Variants in DEAF1 observed in about 807,000 individuals in gnomAD.
DEAF1 encodes the protein DEAF1 transcription factor, also known as deformed epidermal autoregulatory factor 1 homolog.
A neutral mutation model predicts 58.9 loss-of-function variants in DEAF1; 53 were observed. That is an observed-to-expected ratio of 0.90 (90% CI 0.72 to 1.13). DEAF1 has a LOEUF of 1.13. DEAF1 is among the 50% of genes most tolerant of loss of function. The pLI, the probability that DEAF1 is intolerant of heterozygous loss-of-function variation, is 0.00. For synonymous variants in DEAF1, 385 were observed against 340.4 expected (o/e 1.13, Z -1.44); for missense variants, 685 against 791.4 (o/e 0.87, Z 1.61).
chr11:673,022 G>A (rs928429253), intron 10 of DEAF1, among the ~76,000 whole-genome samples: 15 of 151,946 alleles, frequency 9.9e-5, no homozygotes, highest in African/African-American at 3.6e-4. Context: ...GGCAGCAGGC[G>A]CCTGTAGTCC....
chr11:655,518 C>A (rs888355009), intron 10 of DEAF1, among the ~76,000 whole-genome samples: 5 of 143,130 alleles, frequency 3.5e-5, no homozygotes, highest in African/African-American at 1.1e-4. Context: ...CCTGCACGCC[C>A]GCTATGCGCC....
chr11:691,807 A>C lies in DEAF1; in HGVS notation c.290-209T>G, dbSNP rs1348696824. ...GGCTCTTCCAGGAAAAAGAGAGGAAATCTATTCTTCCCCAGTAAAGCCTTT... is the reference window on the plus strand; with the variant it reads ...GGCTCTTCCAGGAAAAAGAGAGGAACTCTATTCTTCCCCAGTAAAGCCTTT... On this transcript the variant is annotated intron_variant, in intron 1 of 11. Coordinates refer to ENST00000382409, the MANE Select transcript of DEAF1 (RefSeq NM_021008.4). Among the ~76,000 whole-genome samples, 4 of 152,120 alleles carry C rather than the reference A, an allele frequency of 2.6e-5. No individual in the cohort carries two copies. The East Asian group carries it at 7.7e-4, about 29-fold the overall frequency.
intron 1 of DEAF1, chr11:704,305 GCCTCCACTGGGGCTC>G (rs1861627472): frequency 9.8e-6 from 7 of 715,852 alleles, no homozygotes; most frequent in Admixed American, 2.7e-5. Flanking sequence ...ACTGTCCTGG[GCCTCCACTGGGGCTC>G]CCTCGGCTGG....
intron 7 of DEAF1, among the ~76,000 whole-genome samples, chr11:680,597 A>T (rs1860312316): frequency 6.6e-6 from 1 of 152,160 alleles, no homozygotes; most frequent in African/African-American, 2.4e-5. Context: ...CCACAGAGAA[A>T]GACCCACAGA....
chr11:706,209 G>GCGCCCCGGCCGAGGCGCGAACAGACGGA (rs1861705243), intron 1 of DEAF1: 1 of 152,028 alleles, frequency 6.6e-6, no homozygotes, highest in Non-Finnish European at 1.5e-5. Flanking sequence ...GGGAGACCTG[G>GCGCCCCGGCCGAGGCGCGAACAGACGGA]CGCCCCGGCC....
intron 10 of DEAF1, among the ~76,000 whole-genome samples, chr11:671,277 G>A (rs1693245938): frequency 6.6e-6 from 1 of 151,694 alleles, no homozygotes; most frequent in South Asian, 2.1e-4. Context: ...CTGGAGTGCA[G>A]TGGCCCGATC....
At chr11:700,919 TG>T in intron 1 of DEAF1, 1 of 601,130 alleles carries the variant, frequency 1.7e-6, no homozygotes, top group Non-Finnish European at 3.0e-6. Flanking sequence ...GGGGCATCGT[TG>T]GGAGAGACTC....
At chr11:694,259 C>G in intron 1 of DEAF1, among the ~76,000 whole-genome samples, 1 of 146,726 alleles carries the variant, frequency 6.8e-6, no homozygotes. Flanking sequence ...AGGGCCAGGT[C>G]AGGTGAGGCT....
intron 6 of DEAF1, among the ~76,000 whole-genome samples, chr11:681,934 A>G (rs955619406): frequency 6.6e-6 from 1 of 152,156 alleles, no homozygotes; most frequent in Non-Finnish European, 1.5e-5. Context: ...GGCTCCTTGC[A>G]TGTCTTATCA....
chr11:649,258 C>CACAACA (rs752958182), intron 11 of DEAF1, among the ~76,000 whole-genome samples: 2 of 150,778 alleles, frequency 1.3e-5, no homozygotes, highest in Non-Finnish European at 3.0e-5. Flanking sequence ...CACACACACA[C>CACAACA]ACAACAACAA....
At chr11:674,249 G>T in intron 10 of DEAF1, 1 of 434,612 alleles carries the variant, frequency 2.3e-6, no homozygotes. Context: ...GATGAATAAT[G>T]CCTAGAAAAG....
upstream of DEAF1, chr11:697,933 C>G (rs1328747522): frequency 6.6e-6 from 1 of 152,188 alleles, no homozygotes; most frequent in African/African-American, 2.4e-5. Flanking sequence ...CCAGATCTGC[C>G]CAAGAAGCTG....
chr11:687,847 C>T (rs1564950336), intron 4 of DEAF1, 64 bp downstream of exon 4: 1 of 1,605,376 alleles, frequency 6.2e-7, no homozygotes, highest in Non-Finnish European at 8.5e-7. Context: ...TCTCAGCCCC[C>T]AATTTATGCT....
At position 674,565 on chromosome 11, in the gene DEAF1, T is replaced by C. The variant is rs1483440239; in HGVS notation, c.1474A>G (p.Lys492Glu). Reference protein sequence around the residue: ...TYREAATNQAKIHADAERKEQ... With the variant: ...TYREAATNQAEIHADAERKEQ... ...TTCCGCTCTGCGTCAGCGTGGATCT[T>C]GGCCTGGTTTGTGGCAGCTTCTCGG... The change falls in exon 10 of 12, where the codon AAG becomes GAG. Residue 492 changes from lysine to glutamate, a missense_variant. Lys to Glu is a moderately conservative substitution (Grantham distance 56). Coordinates refer to ENST00000382409, the MANE Select transcript of DEAF1 (RefSeq NM_021008.4). The C allele has an allele frequency of 6.2e-7, 1 of 1,613,964 alleles. No individual in the cohort carries two copies. The highest frequency in any genetic ancestry group is 8.5e-7 in the Non-Finnish European group (1 of 1,180,016).
chr11:685,909 C>A (rs186543505), intron 5 of DEAF1, among the ~76,000 whole-genome samples: 6 of 151,134 alleles, frequency 4.0e-5, no homozygotes, highest in African/African-American at 1.2e-4. Context: ...CTTTGAGAGG[C>A]GAGGCAGGTG....
At chr11:690,695 G>A (rs749952192) in intron 2 of DEAF1, among the ~76,000 whole-genome samples, 2 of 152,126 alleles carry the variant, frequency 1.3e-5, no homozygotes, top group African/African-American at 2.4e-5. Context: ...GCAATGAGCC[G>A]AGATTGCACC....
chr11:705,656 T>G (rs1018083051), intron 1 of DEAF1, among the ~76,000 whole-genome samples: 12 of 152,106 alleles, frequency 7.9e-5, no homozygotes, highest in African/African-American at 2.9e-4. Flanking sequence ...ACCCACCCAC[T>G]CACCGAAGCC....
intron 2 of DEAF1, among the ~76,000 whole-genome samples, chr11:690,306 G>GA (rs1860776253): frequency 2.2e-4 from 1 of 4,530 alleles, no homozygotes; most frequent in African/African-American, 1.0e-3. Flanking sequence ...GAGGGGAGGG[G>GA]AGGAGAGGGC....
At chr11:698,859 T>C, upstream of DEAF1, 1 of 1,614,094 alleles carries the variant, frequency 6.2e-7, no homozygotes, top group Non-Finnish European at 8.5e-7. Flanking sequence ...ACGGCCCCTT[T>C]CTCTTTCAGG....
Sources: allele counts gnomAD v4.1 joint callset (sites outside exome capture counted in the v4.1 genomes callset), GRCh38; gene constraint gnomAD v4.1.1; transcripts MANE v1.5; gene names NCBI Gene and HGNC (gene_info 2026-07-23, HGNC 2026-07-21).